Variants in GMDS observed in about 807,000 individuals in gnomAD.
GMDS encodes GDP-mannose 4,6-dehydratase.
GMDS carries 20 observed loss-of-function variants against 49.9 expected under a neutral mutation model. The ratio of observed to expected loss-of-function variants is 0.40; its 90% CI spans 0.28 to 0.58. GMDS has a LOEUF of 0.58. GMDS is among the 20% of genes least tolerant of loss of function. GMDS has a pLI of 0.42. For synonymous variants in GMDS, 177 were observed against 178.6 expected (o/e 0.99, Z 0.07); for missense variants, 362 against 481.4 (o/e 0.75, Z 2.32).
At chr6:2,224,546 G>A (rs1257616279) in intron 1 of GMDS, among the ~76,000 whole-genome samples, 1 of 152,198 alleles carries the variant, frequency 6.6e-6, no homozygotes, top group African/African-American at 2.4e-5. Flanking sequence ...GCACTGAGTA[G>A]TTTTTAGCTA....
intron 4 of GMDS, among the ~76,000 whole-genome samples, chr6:2,090,708 T>C (rs990835385): frequency 2.6e-5 from 4 of 152,322 alleles, no homozygotes; most frequent in East Asian, 1.9e-4. Flanking sequence ...ACTGATACTC[T>C]TACTGTGTCT....
At chr6:1,911,549 CT>C in intron 7 of GMDS, among the ~76,000 whole-genome samples, 2 of 148,516 alleles carry the variant, frequency 1.3e-5, no homozygotes, top group Admixed American at 1.3e-4. Flanking sequence ...GTTCTTTCCC[CT>C]ATTAAAAAAA....
intron 9 of GMDS, among the ~76,000 whole-genome samples, chr6:1,702,726 G>A (rs560619040): frequency 6.6e-6 from 1 of 152,282 alleles, no homozygotes; most frequent in African/African-American, 2.4e-5. Context: ...GGTTTCAGGC[G>A]GATGCATTTA....
At chr6:1,772,739 A>G (rs1768631188) in intron 7 of GMDS, among the ~76,000 whole-genome samples, 1 of 152,230 alleles carries the variant, frequency 6.6e-6, no homozygotes, top group African/African-American at 2.4e-5. Flanking sequence ...TGATGACACC[A>G]AACGTAAAAA....
At chr6:2,232,054 T>C (rs1350729341) in intron 1 of GMDS, among the ~76,000 whole-genome samples, 2 of 152,076 alleles carry the variant, frequency 1.3e-5, no homozygotes, top group Non-Finnish European at 2.9e-5. Flanking sequence ...ATGAAAAAAA[T>C]GGAAATGAGA....
chr6:1,870,412 G>A (rs1461582360), intron 7 of GMDS, among the ~76,000 whole-genome samples: 1 of 152,060 alleles, frequency 6.6e-6, no homozygotes, highest in Non-Finnish European at 1.5e-5. Flanking sequence ...ATATGCCTGT[G>A]CCAATCAAGC....
At chr6:1,912,783 T>G (rs967566354) in intron 7 of GMDS, among the ~76,000 whole-genome samples, 15 of 152,200 alleles carry the variant, frequency 9.9e-5, no homozygotes, top group East Asian at 1.9e-4. Flanking sequence ...AAGTGCACAC[T>G]TGGTCAGAAA....
rs1212756440 is a variant in GMDS at position 1,690,426 on chromosome 6, T to C, written c.987+35990A>G. On this transcript the variant is annotated intron_variant, in intron 9 of 10. Coordinates refer to ENST00000380815, the MANE Select transcript of GMDS (RefSeq NM_001500.4). ...GTATAAGGAAGGGGTCAAGTTTCAATTTTTTGCATATAGCTAGCCAGTTCT... is the reference window on the plus strand; with the variant it reads ...GTATAAGGAAGGGGTCAAGTTTCAACTTTTTGCATATAGCTAGCCAGTTCT... Among the ~76,000 whole-genome samples, 3 of 152,188 alleles carry C rather than the reference T, an allele frequency of 2.0e-5. No homozygotes were observed. In the East Asian group the frequency reaches 5.8e-4, roughly 29 times the overall value.
chr6:1,653,044 T>C (rs1763764826), intron 9 of GMDS, among the ~76,000 whole-genome samples: 1 of 151,686 alleles, frequency 6.6e-6, no homozygotes. Context: ...TGGCTCCTGT[T>C]GTCTCCCACA....
intron 4 of GMDS, among the ~76,000 whole-genome samples, chr6:2,058,299 G>C (rs1418403020): frequency 2.0e-5 from 3 of 149,236 alleles, no homozygotes; most frequent in Admixed American, 6.7e-5. Flanking sequence ...GAGCCAAGAT[G>C]GCACCACTGC....
At chr6:1,705,783 GGGA>G (rs1765714308) in intron 9 of GMDS, among the ~76,000 whole-genome samples, 1 of 152,318 alleles carries the variant, frequency 6.6e-6, no homozygotes, top group East Asian at 1.9e-4. Context: ...TGAGACCTGA[GGGA>G]GGAGGAGAGG....
intron 9 of GMDS, among the ~76,000 whole-genome samples, chr6:1,638,341 C>A (rs753202741): frequency 6.6e-6 from 1 of 152,170 alleles, no homozygotes; most frequent in African/African-American, 2.4e-5. Context: ...ACAGAGGGAA[C>A]CCTGGCTGAA....
At chr6:1,707,731 T>C (rs1388016797) in intron 9 of GMDS, among the ~76,000 whole-genome samples, 1 of 152,154 alleles carries the variant, frequency 6.6e-6, no homozygotes, top group Non-Finnish European at 1.5e-5. Flanking sequence ...TCACCCACTC[T>C]TCTGAAAGAC....
In GMDS at chr6:2,172,730, G is replaced by C. The variant is rs144914083; in HGVS notation, c.103-47999C>G. ...GAATTGATATGACAAAATGCAAAAA[G>C]TATTAGAATTGCATGGAAAACTGGT... On this transcript the variant is annotated intron_variant, in intron 1 of 10. Transcript: ENST00000380815. Among the ~76,000 whole-genome samples the C allele has an allele frequency of 6.1e-3, 931 of 152,064 alleles. 7 individuals are homozygous for C. Among genetic ancestry groups the C allele is most frequent in the Non-Finnish European group, 0.01 (710 of 67,980 alleles).
intron 1 of GMDS, among the ~76,000 whole-genome samples, chr6:2,200,821 G>C (rs532671837): frequency 6.9e-6 from 1 of 145,928 alleles, no homozygotes; most frequent in Admixed American, 6.8e-5. Context: ...ATGGGCATCC[G>C]AGATGTAACC....
intron 4 of GMDS, among the ~76,000 whole-genome samples, chr6:1,991,436 T>C (rs1765932456): frequency 6.6e-6 from 1 of 152,170 alleles, no homozygotes; most frequent in African/African-American, 2.4e-5. Flanking sequence ...AACAGCCTGC[T>C]TGGCTGCTTC....
At chr6:1,651,964 A>AT (rs1763665180) in intron 9 of GMDS, among the ~76,000 whole-genome samples, 1 of 152,034 alleles carries the variant, frequency 6.6e-6, no homozygotes, top group African/African-American at 2.4e-5. Context: ...GTGCTGGGGA[A>AT]TGAAAGTTCC....
intron 6 of GMDS, among the ~76,000 whole-genome samples, chr6:1,956,100 G>A (rs1763622413): frequency 6.6e-6 from 1 of 152,164 alleles, no homozygotes; most frequent in African/African-American, 2.4e-5. Context: ...AACATTTATA[G>A]GAAATCTTTC....
At position 1,824,021 on chromosome 6, in the gene GMDS, C is replaced by CG. The variant is rs1423213448; in HGVS notation, c.772-81436_772-81435insC. 2.0e-5 allele frequency among the ~76,000 whole-genome samples: 3 copies of CG among 152,066 alleles called. No individual in the cohort carries two copies. The East Asian group carries it at 5.8e-4, about 29-fold the overall frequency. ...TGACGGGCCTCCTCCTAAGAACATC[C>CG]CTTCTCCTGTGTCTCCTGTGTGCTT... On this transcript the variant is annotated intron_variant, in intron 7 of 10. Coordinates refer to ENST00000380815, the MANE Select transcript of GMDS (RefSeq NM_001500.4).
Sources: allele counts gnomAD v4.1 joint callset (sites outside exome capture counted in the v4.1 genomes callset), GRCh38; gene constraint gnomAD v4.1.1; transcripts MANE v1.5; gene names NCBI Gene and HGNC (gene_info 2026-07-23, HGNC 2026-07-21).